SLC12A2: variants seen among roughly 807,000 people sequenced by gnomAD.
SLC12A2 encodes solute carrier family 12 member 2.
SLC12A2 carries 67 observed loss-of-function variants against 136.3 expected under a neutral mutation model. The observed-to-expected ratio is 0.49, with a 90% CI of 0.40 to 0.60. The LOEUF (loss-of-function observed/expected upper bound fraction) is 0.60, where lower values mean the gene tolerates loss of function less well. Among genes scored for constraint, SLC12A2 ranks in the 20% least tolerant of loss-of-function variants. SLC12A2 has a pLI of 0.00. For missense variants in SLC12A2, 1,322 were observed against 1,534.7 expected (o/e 0.86, Z 2.32); for synonymous variants, 619 against 562.9 (o/e 1.10, Z -1.41).
chr5:128,109,449 A>G, intron 1 of SLC12A2: 1 of 432,102 alleles, frequency 2.3e-6, no homozygotes, highest in Admixed American at 3.1e-5. Context: ...ACACTTCTTC[A>G]TTTATCCATG....
intron 13 of SLC12A2, 75 bp downstream of exon 13, chr5:128,150,173 T>A: frequency 5.3e-6 from 5 of 935,216 alleles, no homozygotes; most frequent in Non-Finnish European, 6.8e-6. Flanking sequence ...TGCCACATTT[T>A]CAAAGATGTT....
chr5:128,105,818 A>G (rs756494618), intron 1 of SLC12A2, among the ~76,000 whole-genome samples: 12 of 151,922 alleles, frequency 7.9e-5, no homozygotes, highest in Non-Finnish European at 1.8e-4. Flanking sequence ...TCTGCTCCCT[A>G]TGGTTTCTGT....
At chr5:128,109,827 T>G in intron 1 of SLC12A2, 1 of 791,436 alleles carries the variant, frequency 1.3e-6, no homozygotes, top group Non-Finnish European at 2.3e-6. Flanking sequence ...GGAGTTAAAT[T>G]CCAAGGTCAA....
At chr5:128,129,337 G>GTAATA (rs1761932698) in intron 4 of SLC12A2, among the ~76,000 whole-genome samples, 1 of 152,042 alleles carries the variant, frequency 6.6e-6, no homozygotes, top group South Asian at 2.1e-4. Flanking sequence ...ATAATGTGAT[G>GTAATA]TAATATAGTC....
At chr5:128,177,417 T>A (rs935358474) in intron 21 of SLC12A2, 51 of 285,856 alleles carry the variant, frequency 1.8e-4, no homozygotes, top group African/African-American at 9.9e-4. Context: ...TAATTTTTTT[T>A]AATTTAAACT....
chr5:128,096,243 A>G (rs992137518), intron 1 of SLC12A2, among the ~76,000 whole-genome samples: 6 of 152,042 alleles, frequency 3.9e-5, no homozygotes, highest in African/African-American at 1.4e-4. Context: ...AAAAACATCT[A>G]TGTTTTTACT....
intron 1 of SLC12A2, chr5:128,110,902 C>G: frequency 9.4e-7 from 1 of 1,062,162 alleles, no homozygotes; most frequent in Non-Finnish European, 1.5e-6. Context: ...GAGTGGGCCG[C>G]AAATCTGAGA....
intron 1 of SLC12A2, among the ~76,000 whole-genome samples, chr5:128,087,359 G>A (rs13357268): frequency 0.35 from 52,926 of 152,084 alleles, 11,787 homozygotes; most frequent in African/African-American, 0.63. Flanking sequence ...CATTAACAAA[G>A]TAGTTGGACA....
At position 128,137,759 on chromosome 5, in the gene SLC12A2, ATTG is replaced by A. The variant is rs373252848; in HGVS notation, c.1409-831_1409-829del. The stretch of plus-strand genomic sequence containing the variant: ...AACACTAGGTCTAGTTGAAGCTTTT[ATTG>A]TTGTTGAAATAGAAAGGAACTTTAC... On this transcript the variant is annotated intron_variant, in intron 7 of 26. Coordinates refer to ENST00000262461, the MANE Select transcript of SLC12A2 (RefSeq NM_001046.3). Among the ~76,000 whole-genome samples the A allele has an allele frequency of 3.4e-3, 511 of 152,220 alleles. 6 individuals are homozygous for A. The highest frequency in any genetic ancestry group is 0.011 in the African/African-American group (449 of 41,526).
rs1763911339 is a variant in SLC12A2, at chr5:128,187,701, ACTTAGT to A, written c.*1075_*1080del. The A allele has an allele frequency of 6.6e-6, 1 of 152,604 alleles. No homozygotes were observed. Among genetic ancestry groups the A allele is most frequent in the South Asian group, 2.1e-4 (1 of 4,836 alleles). The allele number at this position is 152,604 out of a possible 1,614,324, so 9.5% of individuals were successfully genotyped here. A position where few individuals can be genotyped will look rare whatever the true frequency, so the allele number is the denominator to read the frequency against. ...CTTAATTCATTCAATTGTCAAGTAC[ACTTAGT>A]CTTAATACACTCAGGTTTGAACAGA... On this transcript the variant is annotated 3_prime_UTR_variant, in exon 27 of 27. Transcript: ENST00000262461.
intron 24 of SLC12A2, 49 bp from the exon 25 acceptor site, chr5:128,184,317 T>A: frequency 8.3e-7 from 1 of 1,198,362 alleles, no homozygotes; most frequent in Non-Finnish European, 1.1e-6. Flanking sequence ...CTTCCTGTTA[T>A]GTAACTTAAA....
intron 4 of SLC12A2, among the ~76,000 whole-genome samples, chr5:128,126,256 G>A (rs1049180013): frequency 3.9e-5 from 6 of 152,082 alleles, no homozygotes; most frequent in Admixed American, 3.9e-4. Flanking sequence ...TTTAAAAATG[G>A]GTAAAAGATT....
chr5:128,131,679 G>A (rs1458490127), intron 5 of SLC12A2, among the ~76,000 whole-genome samples: 3 of 151,906 alleles, frequency 2.0e-5, no homozygotes, highest in African/African-American at 4.8e-5. Context: ...ACTCCAGCCT[G>A]GGCGACAGAG....
chr5:128,143,203 C>CA (rs1191944357), intron 10 of SLC12A2, among the ~76,000 whole-genome samples: 2 of 151,996 alleles, frequency 1.3e-5, no homozygotes, highest in Non-Finnish European at 2.9e-5. Context: ...TTATTTTGCT[C>CA]AATTTAAACC....
Position 128,084,104 on chromosome 5 carries a change from C to T in SLC12A2, c.150C>T (p.Ser50=). The change falls in exon 1 of 27, where the codon AGC becomes AGT. Residue 50 remains serine (S), a synonymous_variant. Coordinates refer to ENST00000262461, the MANE Select transcript of SLC12A2 (RefSeq NM_001046.3). This position sits in a 1 kb window ranked among gnomAD's most constrained non-coding sequence, Gnocchi z 5.6. ...PSVPEDAAPA[S]RDGGGVRDEG... is the part of the protein sequence containing the mutation. ...TGCCGGAGGATGCTGCGCCCGCGAGCCGGGACGGCGGCGGGGTCCGCGATG... is the reference window on the plus strand; with the variant it reads ...TGCCGGAGGATGCTGCGCCCGCGAGTCGGGACGGCGGCGGGGTCCGCGATG... The T allele has an allele frequency of 1.5e-6, 2 of 1,313,194 alleles. No homozygotes were observed. The highest frequency in any genetic ancestry group is 2.2e-5 in the South Asian group (1 of 45,682). 81.3% of individuals were successfully genotyped at this position (1,313,194 alleles called of 1,614,324 possible). A position where few individuals can be genotyped will look rare whatever the true frequency, so the allele number is the denominator to read the frequency against.
chr5:128,089,487 C>G (rs1178757661), intron 1 of SLC12A2, among the ~76,000 whole-genome samples: 1 of 152,202 alleles, frequency 6.6e-6, no homozygotes, highest in Non-Finnish European at 1.5e-5. Context: ...AGGTTCTTCT[C>G]TCTTTATCTT....
At chr5:128,116,277 T>A (rs1761347807) in intron 4 of SLC12A2, among the ~76,000 whole-genome samples, 1 of 152,134 alleles carries the variant, frequency 6.6e-6, no homozygotes, top group South Asian at 2.1e-4. Context: ...TTCCCCCATT[T>A]GAATCAGATT....
At chr5:128,164,573 T>C (rs1034504058) in intron 17 of SLC12A2, among the ~76,000 whole-genome samples, 1 of 152,188 alleles carries the variant, frequency 6.6e-6, no homozygotes, top group Non-Finnish European at 1.5e-5. Flanking sequence ...TATTTCTCTT[T>C]CCTTTCTACC....
chr5:128,146,607 AC>A (rs1762533028), intron 10 of SLC12A2, among the ~76,000 whole-genome samples: 1 of 151,012 alleles, frequency 6.6e-6, no homozygotes, highest in Non-Finnish European at 1.5e-5. Context: ...AATATAATAT[AC>A]CTAGTATCTA....
Sources: gnomAD v4.1 joint callset for allele counts (sites outside exome capture counted in the v4.1 genomes callset) on GRCh38, gnomAD v4.1.1 for gene constraint, Gnocchi (gnomAD v3.1) non-coding constraint, MANE v1.5 for transcripts, NCBI Gene and HGNC (gene_info 2026-07-23, HGNC 2026-07-21) for gene names.